Variants in FHIP2A observed in about 807,000 individuals in gnomAD.
FHIP2A encodes family with sequence similarity 160 member B1.
In FHIP2A, 46 loss-of-function variants were observed where a neutral mutation model predicts 93.5. The observed-to-expected ratio is 0.49, with a 90% CI of 0.39 to 0.63. The LOEUF (loss-of-function observed/expected upper bound fraction) is 0.63. Among genes scored for constraint, FHIP2A ranks in the 20% least tolerant of loss-of-function variants. The probability of loss-of-function intolerance (pLI) is 0.00; values close to 1 mark genes in which losing one functional copy is unlikely to be tolerated. For missense variants in FHIP2A, 769 were observed against 909.7 expected (o/e 0.85, Z 1.99); for synonymous variants, 332 against 326.5 (o/e 1.02, Z -0.18).
intron 14 of FHIP2A, among the ~76,000 whole-genome samples, chr10:114,858,482 C>T (rs2083779640): frequency 6.6e-6 from 1 of 152,006 alleles, no homozygotes; most frequent in East Asian, 1.9e-4. Flanking sequence ...TTTATTTAAG[C>T]ACCTGCAGAT....
intron 1 of FHIP2A, among the ~76,000 whole-genome samples, chr10:114,824,930 A>G (rs1207754892): frequency 2.0e-5 from 3 of 152,192 alleles, no homozygotes; most frequent in African/African-American, 7.2e-5. Flanking sequence ...CAGTCTGTGG[A>G]GTAATGCTTT....
chr10:114,843,624 G>A (rs1240486220), intron 6 of FHIP2A, 117 bp from the exon 7 acceptor site: 3 of 860,112 alleles, frequency 3.5e-6, no homozygotes, highest in South Asian at 2.7e-5. Flanking sequence ...ATTTAAAATA[G>A]ACAAAAATCT....
intron 16 of FHIP2A, among the ~76,000 whole-genome samples, chr10:114,884,304 T>C (rs1313404065): frequency 6.6e-6 from 1 of 152,200 alleles, no homozygotes; most frequent in Non-Finnish European, 1.5e-5. Flanking sequence ...GCATCTGCTA[T>C]TTAGACTTTG....
intron 5 of FHIP2A, among the ~76,000 whole-genome samples, chr10:114,842,639 C>G: frequency 6.6e-6 from 1 of 151,526 alleles, no homozygotes; most frequent in East Asian, 2.0e-4. Flanking sequence ...AAACTTTTTT[C>G]CTCACTAACA....
At chr10:114,868,758 A>G (rs1455503916), downstream of FHIP2A, among the ~76,000 whole-genome samples, 1 of 152,202 alleles carries the variant, frequency 6.6e-6, no homozygotes, top group East Asian at 1.9e-4. Flanking sequence ...CTGTAAGTTC[A>G]TAATGGTACC....
rs1209995642 is a variant in FHIP2A, at chr10:114,833,293, T to C, written c.185T>C (p.Ile62Thr). Residue 62 changes from isoleucine (I) to threonine (T), a missense_variant, in exon 3 of 17, where the codon ATA becomes ACA. Ile to Thr is a moderately conservative substitution (Grantham distance 89). Transcript: ENST00000369248. ...IPSHLEQMLD[I>T]LVQEENERES... ...TCGCATCTGGAACAGATGTTAGATATACTGGTTCAAGAAGAAAATGAACGG... is the reference window on the plus strand; with the variant it reads ...TCGCATCTGGAACAGATGTTAGATACACTGGTTCAAGAAGAAAATGAACGG... 1.9e-6 allele frequency: 3 copies of C among 1,613,496 alleles called. No individual in the cohort carries two copies. Among genetic ancestry groups the C allele is most frequent in the Non-Finnish European group, 1.7e-6 (2 of 1,179,468 alleles).
chr10:114,865,440 G>C (rs1045838387), downstream of FHIP2A, among the ~76,000 whole-genome samples: 1 of 152,070 alleles, frequency 6.6e-6, no homozygotes, highest in Admixed American at 6.5e-5. Flanking sequence ...AAACAAACAT[G>C]TAATACACAG....
At chr10:114,836,297 T>G in intron 5 of FHIP2A, 51 bp downstream of exon 5, 1 of 1,384,732 alleles carries the variant, frequency 7.2e-7, no homozygotes, top group Non-Finnish European at 9.9e-7. Context: ...TTAAGATCAT[T>G]ATGAAAATTG....
At chr10:114,832,982 G>A (rs1592014423) in intron 2 of FHIP2A, among the ~76,000 whole-genome samples, 1 of 152,152 alleles carries the variant, frequency 6.6e-6, no homozygotes, top group East Asian at 1.9e-4. Flanking sequence ...CCAAAGTGCT[G>A]GAATTACAGG....
chr10:114,825,059 C>T (rs2143009320), intron 1 of FHIP2A, among the ~76,000 whole-genome samples: 1 of 152,150 alleles, frequency 6.6e-6, no homozygotes, highest in African/African-American at 2.4e-5. Context: ...TCTCTGTCAC[C>T]CAGGCTAGAG....
intron 12 of FHIP2A, among the ~76,000 whole-genome samples, chr10:114,848,209 A>G (rs1056967658): frequency 1.3e-5 from 2 of 152,150 alleles, no homozygotes; most frequent in Non-Finnish European, 2.9e-5. Flanking sequence ...TTTTAGAGAA[A>G]AATTGCATGT....
At chr10:114,878,775 C>CAAA (rs71007499) in intron 16 of FHIP2A, among the ~76,000 whole-genome samples, 2 of 101,204 alleles carry the variant, frequency 2.0e-5, no homozygotes, top group East Asian at 6.2e-4. Flanking sequence ...GACTTCGCCT[C>CAAA]AAAAAAAAAA....
At chr10:114,824,691 A>T (rs965616527) in intron 1 of FHIP2A, among the ~76,000 whole-genome samples, 3 of 152,188 alleles carry the variant, frequency 2.0e-5, no homozygotes, top group African/African-American at 7.2e-5. Context: ...GCCCAAGGTT[A>T]GTTTCCAGTT....
Position 114,864,104 on chromosome 10 carries a change from GTGTATATA to G in FHIP2A, c.*2582_*2589del, listed in dbSNP as rs200118273. 0.03 allele frequency: 29,451 copies of G among 982,930 alleles called. 532 individuals are homozygous for G. The highest frequency in any genetic ancestry group is 0.033 in the Non-Finnish European group (27,040 of 827,074). 60.9% of individuals were successfully genotyped at this position (982,930 alleles called of 1,614,324 possible). A position where few individuals can be genotyped will look rare whatever the true frequency, so the allele number is the denominator to read the frequency against. ...TTGGTTTAATTGTACATTATTGTGT[GTGTATATA>G]TGTATATATGTATATATATAAGGAC... On this transcript the variant is annotated 3_prime_UTR_variant, in exon 17 of 17. Coordinates refer to ENST00000369248, the MANE Select transcript of FHIP2A (RefSeq NM_020940.4).
At chr10:114,878,242 T>G (rs530598652) in intron 16 of FHIP2A, among the ~76,000 whole-genome samples, 115 of 152,194 alleles carry the variant, frequency 7.6e-4, no homozygotes, top group Non-Finnish European at 7.8e-4. Flanking sequence ...CTGCCTAGAA[T>G]CACATTTTGT....
At chr10:114,857,832 A>G (rs954111628) in intron 14 of FHIP2A, among the ~76,000 whole-genome samples, 5 of 152,324 alleles carry the variant, frequency 3.3e-5, no homozygotes, top group African/African-American at 1.2e-4. Flanking sequence ...AATTCATAAT[A>G]CAAACATTTA....
At chr10:114,890,645 T>TATATA (rs1342737454) in intron 16 of FHIP2A, among the ~76,000 whole-genome samples, 3 of 147,826 alleles carry the variant, frequency 2.0e-5, no homozygotes, top group African/African-American at 7.4e-5. Flanking sequence ...ATACCGTATA[T>TATATA]GACATATACG....
At chr10:114,880,512 T>C (rs2083911411) in intron 16 of FHIP2A, among the ~76,000 whole-genome samples, 2 of 152,084 alleles carry the variant, frequency 1.3e-5, no homozygotes, top group African/African-American at 4.8e-5. Flanking sequence ...AAACCCTGTC[T>C]CTAGTAAGAT....
intron 16 of FHIP2A, among the ~76,000 whole-genome samples, chr10:114,883,434 C>A (rs779510996): frequency 1.3e-5 from 2 of 152,150 alleles, no homozygotes; most frequent in African/African-American, 2.4e-5. Flanking sequence ...CACTCCCCAA[C>A]AGCCTTAATT....
Sources: gnomAD v4.1 joint callset for allele counts (sites outside exome capture counted in the v4.1 genomes callset) on GRCh38, gnomAD v4.1.1 for gene constraint, MANE v1.5 for transcripts, NCBI Gene and HGNC (gene_info 2026-07-23, HGNC 2026-07-21) for gene names.